FRMD6: variants seen among roughly 807,000 people sequenced by gnomAD.
FRMD6 encodes FERM domain-containing protein 6.
In FRMD6, 37 loss-of-function variants were observed where a neutral mutation model predicts 73.2. The observed-to-expected ratio is 0.51, with a 90% confidence interval of 0.39 to 0.66. FRMD6 has a LOEUF of 0.66. Among genes scored for constraint, FRMD6 ranks in the 30% least tolerant of loss-of-function variants. FRMD6 has a pLI of 0.00. For synonymous variants in FRMD6, 273 were observed against 282.2 expected (o/e 0.97, Z 0.33); for missense variants, 714 against 780.5 (o/e 0.91, Z 1.02).
At chr14:51,566,780 T>C (rs1225146863) in intron 1 of FRMD6, among the ~76,000 whole-genome samples, 2 of 152,236 alleles carry the variant, frequency 1.3e-5, no homozygotes. Flanking sequence ...GTATGTGTTG[T>C]CCATGATAGT....
intron 8 of FRMD6, among the ~76,000 whole-genome samples, chr14:51,712,006 T>C (rs539140659): frequency 3.1e-4 from 47 of 152,322 alleles, no homozygotes; most frequent in South Asian, 1.0e-3. Context: ...ATTTCCGTTA[T>C]ACTTTAGTGA....
At chr14:51,600,539 C>T (rs561726433) in intron 2 of FRMD6, among the ~76,000 whole-genome samples, 2 of 152,150 alleles carry the variant, frequency 1.3e-5, no homozygotes, top group Non-Finnish European at 2.9e-5. Flanking sequence ...TCCTGACATA[C>T]CCATTTATAA....
At chr14:51,618,845 G>A (rs1890810482) in intron 2 of FRMD6, among the ~76,000 whole-genome samples, 1 of 151,040 alleles carries the variant, frequency 6.6e-6, no homozygotes, top group Non-Finnish European at 1.5e-5. Flanking sequence ...AATTATAAAT[G>A]TATTTCTATG....
the FRMD6 span, among the ~76,000 whole-genome samples, chr14:51,416,289 T>C: frequency 1.3e-5 from 2 of 152,230 alleles, no homozygotes; most frequent in Admixed American, 6.5e-5. Flanking sequence ...TGTGGGCATT[T>C]AGTGCTATAA....
intron 2 of FRMD6, among the ~76,000 whole-genome samples, chr14:51,693,346 C>T (rs994911746): frequency 1.3e-5 from 2 of 152,102 alleles, no homozygotes; most frequent in African/African-American, 4.8e-5. Context: ...CAACTCTTCT[C>T]TTTTACAGTG....
the FRMD6 span, among the ~76,000 whole-genome samples, chr14:51,403,810 A>G: frequency 6.6e-6 from 1 of 152,244 alleles, no homozygotes; most frequent in Non-Finnish European, 1.5e-5. Flanking sequence ...TGAATATGCC[A>G]CAAACTTAAA....
At chr14:51,692,441 C>G (rs1193554966) in intron 2 of FRMD6, among the ~76,000 whole-genome samples, 2 of 150,786 alleles carry the variant, frequency 1.3e-5, no homozygotes, top group Non-Finnish European at 2.9e-5. Context: ...AGAAACTTCT[C>G]TCACTTTCAT....
chr14:51,553,819 G>A (rs934518866), intron 1 of FRMD6, among the ~76,000 whole-genome samples: 4 of 152,182 alleles, frequency 2.6e-5, no homozygotes, highest in African/African-American at 9.7e-5. Context: ...AGCGGATGAG[G>A]GGCAGGCTGT....
At chr14:51,475,182 C>A in the FRMD6 span, among the ~76,000 whole-genome samples, 1 of 152,130 alleles carries the variant, frequency 6.6e-6, no homozygotes, top group South Asian at 2.1e-4. Flanking sequence ...AGATTCCAAG[C>A]CAATTATATT....
the FRMD6 span, among the ~76,000 whole-genome samples, chr14:51,456,829 G>A: frequency 6.6e-6 from 1 of 152,206 alleles, no homozygotes; most frequent in African/African-American, 2.4e-5. Context: ...GAAAAAGGAT[G>A]AAATTCTGTT....
rs1898148393 is a variant in FRMD6, at chr14:51,729,434, A to G, written c.*1405A>G. 1 of 152,642 alleles carries G rather than the reference A, an allele frequency of 6.6e-6. No homozygotes were observed. Among genetic ancestry groups the G allele is most frequent in the Admixed American group, 6.5e-5 (1 of 15,288 alleles). The allele number at this position is 152,642 out of a possible 1,614,324, so 9.5% of individuals were successfully genotyped here. A position where few individuals can be genotyped will look rare whatever the true frequency, so the allele number is the denominator to read the frequency against. ...GAAACCAAGTCAGGGGAGTGAATTT[A>G]TCAATCTTTTGATGTAAAGTAAAAA... On this transcript the variant is annotated 3_prime_UTR_variant, in exon 14 of 14. Transcript: ENST00000344768.
chr14:51,610,502 G>A (rs76755620), intron 2 of FRMD6, among the ~76,000 whole-genome samples: 1,557 of 152,076 alleles, frequency 0.01, 27 homozygotes, highest in East Asian at 0.041. Flanking sequence ...ATTAGAAACC[G>A]AAGGAAAAAT....
chr14:51,577,660 G>C (rs983014706), intron 2 of FRMD6, among the ~76,000 whole-genome samples: 2 of 152,196 alleles, frequency 1.3e-5, no homozygotes, highest in Non-Finnish European at 2.9e-5. Flanking sequence ...GAAAGTAGGA[G>C]AGGAGGTAAC....
At chr14:51,713,427 C>T (rs1284076077) in intron 9 of FRMD6, among the ~76,000 whole-genome samples, 2 of 147,066 alleles carry the variant, frequency 1.4e-5, no homozygotes, top group Non-Finnish European at 3.0e-5. Flanking sequence ...CATTGCACTC[C>T]AGCCTAGGTA....
At chr14:51,569,505 TTC>T (rs1197190006) in intron 1 of FRMD6, among the ~76,000 whole-genome samples, 14 of 118,250 alleles carry the variant, frequency 1.2e-4, no homozygotes, top group African/African-American at 3.4e-4. Context: ...CTTTCTTTCT[TTC>T]TTTTTTTTTT....
rs139356184 is a variant in FRMD6, at chr14:51,720,669, T to A, written c.1360+279T>A. On this transcript the variant is annotated intron_variant, in intron 11 of 13. Transcript: ENST00000344768. Reference sequence around the variant, plus strand: ...AGATTGGAAATTAGTCCTGCTGCCCTTGTGTCTGTATTTCTGCTTCCCAGA... The same window carrying A: ...AGATTGGAAATTAGTCCTGCTGCCCATGTGTCTGTATTTCTGCTTCCCAGA... The A allele has an allele frequency of 2.4e-5, 11 of 452,718 alleles. No individual in the cohort carries two copies. In the East Asian group the frequency reaches 4.6e-4, roughly 19 times the overall value. 28.0% of individuals were successfully genotyped at this position (452,718 alleles called of 1,614,324 possible).
At chr14:51,563,367 A>G (rs1379617654) in intron 1 of FRMD6, among the ~76,000 whole-genome samples, 1 of 152,212 alleles carries the variant, frequency 6.6e-6, no homozygotes, top group Non-Finnish European at 1.5e-5. Context: ...AGCTAGAGCC[A>G]TGGTAGAAAA....
the FRMD6 span, among the ~76,000 whole-genome samples, chr14:51,451,714 G>T: frequency 6.6e-6 from 1 of 152,164 alleles, no homozygotes; most frequent in East Asian, 1.9e-4. Flanking sequence ...AGAGCTAATT[G>T]TTTAAAAGAG....
intron 2 of FRMD6, among the ~76,000 whole-genome samples, chr14:51,589,267 C>T (rs984864563): frequency 1.3e-5 from 2 of 152,070 alleles, no homozygotes; most frequent in Non-Finnish European, 2.9e-5. Flanking sequence ...GAGTATTTAT[C>T]ACTCCTAGAT....
Sources: gnomAD v4.1 joint callset for allele counts (sites outside exome capture counted in the v4.1 genomes callset) on GRCh38, gnomAD v4.1.1 for gene constraint, MANE v1.5 for transcripts, NCBI Gene and HGNC (gene_info 2026-07-23, HGNC 2026-07-21) for gene names.